The following IGSF21 variants were observed in gnomAD, a reference collection of about 807,000 sequenced individuals.
IGSF21 encodes the protein immunoglobin superfamily member 21.
IGSF21 carries 28 observed loss-of-function variants against 46.8 expected under a neutral mutation model. That is an observed-to-expected ratio of 0.60 (90% CI 0.44 to 0.82). The LOEUF (loss-of-function observed/expected upper bound fraction) is 0.82. Ranked by LOEUF, IGSF21 falls within the 40% of genes least tolerant of loss-of-function variation. IGSF21 has a pLI of 0.00. For missense variants in IGSF21, 624 were observed against 665.5 expected, an observed-to-expected ratio of 0.94 and a Z score of 0.69; for synonymous variants, 284 against 273.6, an observed-to-expected ratio of 1.04 and a Z score of -0.38.
chr1:18,263,129 A>C (rs1253586236), intron 2 of IGSF21, among the ~76,000 whole-genome samples: 1 of 152,180 alleles, frequency 6.6e-6, no homozygotes, highest in African/African-American at 2.4e-5. Flanking sequence ...AATGGTGGAA[A>C]ATACGGAGGG....
rs538102596 is a variant in IGSF21, at chr1:18,297,432, AGTG to A, written c.305+5449_305+5451del. 8.4e-3 allele frequency among the ~76,000 whole-genome samples: 1,276 copies of A among 152,308 alleles called. 15 individuals are homozygous for A. The highest frequency in any genetic ancestry group is 0.029 in the African/African-American group (1,204 of 41,572). On this transcript the variant is annotated intron_variant, in intron 3 of 9. Coordinates refer to ENST00000251296, the MANE Select transcript of IGSF21 (RefSeq NM_032880.5). ...ATATCAGGGACAATGATGGAGATAA[AGTG>A]GTGAACAAGACATAATCAGACCTGC... is the stretch of plus-strand genomic sequence containing the variant.
intron 6 of IGSF21, among the ~76,000 whole-genome samples, chr1:18,370,291 A>G (rs1569894386): frequency 1.3e-5 from 2 of 152,306 alleles, no homozygotes; most frequent in Middle Eastern, 3.4e-3. Context: ...GAGTCCAGAA[A>G]TAGATCTACA....
chr1:18,307,065 T>C (rs555326725), intron 3 of IGSF21, among the ~76,000 whole-genome samples: 1 of 152,300 alleles, frequency 6.6e-6, no homozygotes, highest in East Asian at 1.9e-4. Context: ...CTCCTAATTA[T>C]TATTTGGAGA....
At chr1:18,361,900 G>GT (rs1230486041) in intron 4 of IGSF21, 1 of 560,450 alleles carries the variant, frequency 1.8e-6, no homozygotes, top group Non-Finnish European at 3.2e-6. Context: ...ACACTAAACT[G>GT]TAAGCTCCAG....
At position 18,128,022 on chromosome 1, in the gene IGSF21, C is replaced by T. The variant is rs2086288183; in HGVS notation, c.70+19824C>T. On this transcript the variant is annotated intron_variant, in intron 1 of 9. Transcript: ENST00000251296. Reference sequence around the variant, plus strand: ...AAGGAGAGAGGGCATTTAATCAGGTCTTCATTCAAGGGAAGAGATTAGTGA... The same window carrying T: ...AAGGAGAGAGGGCATTTAATCAGGTTTTCATTCAAGGGAAGAGATTAGTGA... Among the ~76,000 whole-genome samples the T allele has an allele frequency of 2.6e-5, 4 of 152,198 alleles. No homozygotes were observed. The South Asian group carries it at 8.3e-4, about 32-fold the overall frequency.
At chr1:18,140,424 TCA>T (rs1344527321) in intron 1 of IGSF21, among the ~76,000 whole-genome samples, 1 of 152,150 alleles carries the variant, frequency 6.6e-6, no homozygotes, top group Non-Finnish European at 1.5e-5. Flanking sequence ...AATTATTTTC[TCA>T]CAGTCTGCAT....
At chr1:18,177,395 G>GGTCA (rs2086811341) in intron 1 of IGSF21, among the ~76,000 whole-genome samples, 4 of 84,400 alleles carry the variant, frequency 4.7e-5, no homozygotes, top group African/African-American at 7.7e-5. Flanking sequence ...TCAGTGAGGT[G>GGTCA]TGTGTGTGTG....
chr1:18,357,444 GTGGGCA>G (rs1297367392), intron 4 of IGSF21, among the ~76,000 whole-genome samples: 5 of 69,376 alleles, frequency 7.2e-5, no homozygotes, highest in Admixed American at 2.9e-4. Flanking sequence ...GAGGGATGAG[GTGGGCA>G]TGGGGATGGG....
At chr1:18,320,189 C>A (rs1240706280) in intron 3 of IGSF21, among the ~76,000 whole-genome samples, 3 of 152,214 alleles carry the variant, frequency 2.0e-5, no homozygotes, top group Non-Finnish European at 2.9e-5. Flanking sequence ...TGGATCGGAT[C>A]TTGGTGCCAG....
intron 3 of IGSF21, among the ~76,000 whole-genome samples, chr1:18,305,504 G>GGAT (rs1557635186): frequency 7.3e-6 from 1 of 137,614 alleles, no homozygotes; most frequent in Non-Finnish European, 1.5e-5. Flanking sequence ...ATGGATGGAT[G>GGAT]GATGGATGAA....
intron 1 of IGSF21, among the ~76,000 whole-genome samples, chr1:18,139,751 G>C (rs1385214075): frequency 6.6e-6 from 1 of 152,090 alleles, no homozygotes; most frequent in Non-Finnish European, 1.5e-5. Flanking sequence ...GTCAGTGCCT[G>C]GCTGTACTCT....
At chr1:18,217,655 A>G (rs998778441) in intron 1 of IGSF21, among the ~76,000 whole-genome samples, 3 of 152,174 alleles carry the variant, frequency 2.0e-5, no homozygotes, top group African/African-American at 7.2e-5. Flanking sequence ...ACACTCCAGC[A>G]AGACTTCTTG....
In IGSF21 at chr1:18,287,180, CAAA is replaced by C. The variant is rs1157021116; in HGVS notation, c.184-4676_184-4674del. ...TGGGCGACAGAGCGAGACTCCGTCT[CAAA>C]AAAAAAAAATAAAATAAATAAATAA... On this transcript the variant is annotated intron_variant, in intron 2 of 9. Transcript: ENST00000251296. 3.6e-3 allele frequency among the ~76,000 whole-genome samples: 115 copies of C among 31,860 alleles called. 4 individuals are homozygous for C. In the Admixed American group the frequency reaches 0.038, roughly 11 times the overall value. The allele number at this position is 31,860 out of a possible 152,430, so 20.9% of individuals were successfully genotyped here.
At chr1:18,359,458 GAAAGGGAAGGAAGGAA>G (rs1204284521) in intron 4 of IGSF21, among the ~76,000 whole-genome samples, 107 of 120,898 alleles carry the variant, frequency 8.9e-4, no homozygotes, top group African/African-American at 3.6e-3. Context: ...AAGAAAGAAA[GAAAGGGAAGGAAGGAA>G]GGAAGGAAGG....
At chr1:18,304,279 T>A (rs1437657306) in intron 3 of IGSF21, among the ~76,000 whole-genome samples, 1 of 152,142 alleles carries the variant, frequency 6.6e-6, no homozygotes, top group Non-Finnish European at 1.5e-5. Flanking sequence ...ATTAGACATG[T>A]CTGTTAGATG....
chr1:18,219,594 G>C (rs190501354), intron 1 of IGSF21, among the ~76,000 whole-genome samples: 2 of 152,298 alleles, frequency 1.3e-5, no homozygotes, highest in Admixed American at 1.3e-4. Flanking sequence ...AGAGCTTACA[G>C]GCCTTGCTGG....
intron 6 of IGSF21, chr1:18,375,903 T>G (rs546068675): frequency 5.2e-6 from 1 of 193,998 alleles, no homozygotes; most frequent in Non-Finnish European, 1.1e-5. Flanking sequence ...TGGTGCAGGC[T>G]GCTCCCCCTC....
intron 2 of IGSF21, chr1:18,278,951 A>G: frequency 2.1e-6 from 1 of 470,556 alleles, no homozygotes; most frequent in Non-Finnish European, 4.4e-6. Flanking sequence ...AAATGTTCGT[A>G]ATCAAATGTT....
intron 4 of IGSF21, among the ~76,000 whole-genome samples, chr1:18,336,956 C>T (rs2085774678): frequency 6.6e-6 from 1 of 152,208 alleles, no homozygotes; most frequent in Non-Finnish European, 1.5e-5. Flanking sequence ...GAGACTTATT[C>T]ACTATCATGA....
Sources: allele counts gnomAD v4.1 joint callset (sites outside exome capture counted in the v4.1 genomes callset), GRCh38; gene constraint gnomAD v4.1.1; transcripts MANE v1.5; gene names NCBI Gene and HGNC (gene_info 2026-07-23, HGNC 2026-07-21).